ARHGEF10: variants seen among roughly 807,000 people sequenced by gnomAD.
ARHGEF10 encodes the protein Rho guanine nucleotide exchange factor (GEF) 10.
A neutral mutation model predicts 147.4 loss-of-function variants in ARHGEF10; 140 were observed. That is an observed-to-expected ratio of 0.95 (90% CI 0.83 to 1.09). The LOEUF is 1.09. ARHGEF10 is among the 50% of genes least tolerant of loss of function. ARHGEF10 has a pLI of 0.00. For missense variants in ARHGEF10, 2,222 were observed against 1,752.7 expected, an observed-to-expected ratio of 1.27 and a Z score of -4.78; for synonymous variants, 902 against 695.8, an observed-to-expected ratio of 1.30 and a Z score of -4.67.
At chr8:1,849,392 G>A (rs1048678483) in intron 2 of ARHGEF10, among the ~76,000 whole-genome samples, 2 of 151,584 alleles carry the variant, frequency 1.3e-5, no homozygotes, top group South Asian at 2.1e-4. Flanking sequence ...GGCAAATGCC[G>A]AGGAGGGCGT....
At chr8:1,863,560 G>A (rs908774407) in intron 4 of ARHGEF10, among the ~76,000 whole-genome samples, 4 of 152,198 alleles carry the variant, frequency 2.6e-5, no homozygotes, top group East Asian at 1.9e-4. Context: ...TTGGTGCCAC[G>A]CGGCTGGGCG....
intron 1 of ARHGEF10, among the ~76,000 whole-genome samples, chr8:1,837,949 C>T (rs1286441411): frequency 6.6e-6 from 1 of 152,200 alleles, no homozygotes; most frequent in Non-Finnish European, 1.5e-5. Flanking sequence ...TCTAGGTTTC[C>T]TCACAGGTGC....
chr8:1,875,175 G>T (rs1001238444), intron 7 of ARHGEF10, among the ~76,000 whole-genome samples: 2 of 96,240 alleles, frequency 2.1e-5, no homozygotes, highest in Non-Finnish European at 4.3e-5. Context: ...TGGTGGGAGA[G>T]TGCAGACACA....
rs181337691 is a variant in ARHGEF10, at chr8:1,948,107, G to A, written c.3397+2452G>A. Among the ~76,000 whole-genome samples, 4 of 152,102 alleles carry A rather than the reference G, an allele frequency of 2.6e-5. No individual in the cohort carries two copies. The highest frequency in any genetic ancestry group is 2.0e-4 in the East Asian group (1 of 5,102). Reference sequence around the variant, plus strand: ...ACCCTTCAGCTCATAGTTTCCAGGCGGCCGATGATGGATCCATCCCAAGCC... The same window carrying A: ...ACCCTTCAGCTCATAGTTTCCAGGCAGCCGATGATGGATCCATCCCAAGCC... On this transcript the variant is annotated intron_variant, in intron 27 of 28. Transcript: ENST00000349830. This position sits in a 1 kb window ranked among gnomAD's most constrained non-coding sequence, Gnocchi z 4.9.
chr8:1,869,366 T>A lies in ARHGEF10; in HGVS notation c.679+116T>A, dbSNP rs1293642213. 4.5e-6 allele frequency: 4 copies of A among 888,304 alleles called. No homozygotes were observed. The African/African-American group carries it at 4.9e-5, about 11-fold the overall frequency. 55.0% of individuals were successfully genotyped at this position (888,304 alleles called of 1,614,324 possible). A position where few individuals can be genotyped will look rare whatever the true frequency, so the allele number is the denominator to read the frequency against. ...ACGTTTTCTGTATTCATGTTTTGTA[T>A]GTTGCTTCTAGAATGGCTTATTGAT... On this transcript the variant is annotated intron_variant, in intron 7 of 28. Coordinates refer to ENST00000349830, the MANE Select transcript of ARHGEF10 (RefSeq NM_014629.4).
At chr8:1,841,512 A>G (rs528330401) in intron 1 of ARHGEF10, among the ~76,000 whole-genome samples, 104 of 152,298 alleles carry the variant, frequency 6.8e-4, no homozygotes, top group African/African-American at 2.4e-3. Flanking sequence ...TACGGTGTCC[A>G]GAGCAGCATC....
intron 17 of ARHGEF10, among the ~76,000 whole-genome samples, chr8:1,906,786 A>C (rs756294152): frequency 3.0e-4 from 46 of 152,328 alleles, no homozygotes; most frequent in Non-Finnish European, 3.8e-4. Context: ...CAAGGCGAGA[A>C]CGTTCATTAA....
intron 11 of ARHGEF10, among the ~76,000 whole-genome samples, chr8:1,889,137 TG>T (rs1809136087): frequency 1.7e-5 from 1 of 59,060 alleles, no homozygotes; most frequent in Non-Finnish European, 3.2e-5. Flanking sequence ...ACACTGTGAG[TG>T]GGGTGAGGGT....
intron 11 of ARHGEF10, among the ~76,000 whole-genome samples, chr8:1,892,206 G>A (rs1407147048): frequency 6.6e-6 from 1 of 151,240 alleles, no homozygotes; most frequent in Non-Finnish European, 1.5e-5. Context: ...GTTTGAAAGG[G>A]AAGCCTCTGT....
chr8:1,832,370 A>ACAGAGACAGAGG (rs1491076320), intron 1 of ARHGEF10, among the ~76,000 whole-genome samples: 1 of 137,150 alleles, frequency 7.3e-6, no homozygotes, highest in Non-Finnish European at 1.6e-5. Flanking sequence ...AGAGACAGAG[A>ACAGAGACAGAGG]CAGAGACAGA....
intron 15 of ARHGEF10, among the ~76,000 whole-genome samples, chr8:1,902,399 A>G (rs1810539072): frequency 6.6e-6 from 1 of 152,002 alleles, no homozygotes. Context: ...GCAGTGCGTC[A>G]TTTTTTGCTG....
chr8:1,919,458 ATGGGTGATGGAGCTGTTC>A (rs1812043007), intron 18 of ARHGEF10, among the ~76,000 whole-genome samples: 1 of 106,636 alleles, frequency 9.4e-6, no homozygotes, highest in African/African-American at 4.5e-5. Flanking sequence ...GAGCTGTTCC[ATGGGTGATGGAGCTGTTC>A]TGTCCAGTGA....
intron 1 of ARHGEF10, among the ~76,000 whole-genome samples, chr8:1,841,908 G>A (rs538597954): frequency 8.5e-4 from 69 of 81,274 alleles, no homozygotes; most frequent in East Asian, 2.4e-3. Context: ...TGGGGCCGCG[G>A]CGGGAACTGG....
intron 2 of ARHGEF10, 89 bp downstream of exon 2, chr8:1,843,525 G>C: frequency 2.1e-6 from 2 of 965,518 alleles, no homozygotes; most frequent in Non-Finnish European, 3.3e-6. Context: ...CTGAATTGCT[G>C]GTCACTGGGG....
intron 4 of ARHGEF10, among the ~76,000 whole-genome samples, chr8:1,861,138 T>C (rs1313145014): frequency 6.6e-6 from 1 of 152,200 alleles, no homozygotes; most frequent in East Asian, 1.9e-4. Flanking sequence ...CGCTGACAGC[T>C]CCATTTCGAG....
rs957452262 is a variant in ARHGEF10, at chr8:1,937,618, G to C, written c.3222+3676G>C. ...GCAAAAATCTGCTCTCTGAAAACAT[G>C]ATATTCATCCTGTCGTTCCCGTTGT... On this transcript the variant is annotated intron_variant, in intron 26 of 28. Transcript: ENST00000349830. This position sits in a 1 kb window ranked among gnomAD's most constrained non-coding sequence, Gnocchi z 4.9. Among the ~76,000 whole-genome samples the C allele has an allele frequency of 2.0e-5, 3 of 152,240 alleles. No homozygotes were observed. The highest frequency in any genetic ancestry group is 6.5e-5 in the Admixed American group (1 of 15,286).
At chr8:1,946,828 G>T (rs1260188959) in intron 27 of ARHGEF10, among the ~76,000 whole-genome samples, 1 of 152,154 alleles carries the variant, frequency 6.6e-6, no homozygotes, top group Non-Finnish European at 1.5e-5. Context: ...GTTCCTCGGG[G>T]CCTCCGTGTC....
At chr8:1,875,268 G>A (rs72507658) in intron 7 of ARHGEF10, among the ~76,000 whole-genome samples, 5,969 of 151,654 alleles carry the variant, frequency 0.039, 133 homozygotes, top group East Asian at 0.069. Context: ...AGGGGGTGGA[G>A]GTTCTAAGAC....
intron 26 of ARHGEF10, among the ~76,000 whole-genome samples, chr8:1,940,559 TA>T (rs1352779945): frequency 5.9e-5 from 9 of 152,158 alleles, no homozygotes; most frequent in Non-Finnish European, 1.3e-4. Context: ...CAAACATCTT[TA>T]AAAAGAATTA....
Sources: gnomAD v4.1 joint callset for allele counts (sites outside exome capture counted in the v4.1 genomes callset) on GRCh38, gnomAD v4.1.1 for gene constraint, Gnocchi (gnomAD v3.1) non-coding constraint, MANE v1.5 for transcripts, NCBI Gene and HGNC (gene_info 2026-07-23, HGNC 2026-07-21) for gene names.